The following BBS1 variants were observed in gnomAD, a reference collection of about 807,000 sequenced individuals.
The protein encoded by BBS1 is Bardet-Biedl syndrome 1.
A neutral mutation model predicts 73.9 loss-of-function variants in BBS1; 60 were observed. The ratio of observed to expected loss-of-function variants is 0.81; its 90% CI spans 0.66 to 1.01. The LOEUF (loss-of-function observed/expected upper bound fraction) is 1.01, where lower values mean the gene tolerates loss of function less well. Ranked by LOEUF, BBS1 falls within the 50% of genes least tolerant of loss-of-function variation. BBS1 has a pLI of 0.00. For synonymous variants in BBS1, 283 were observed against 317.4 expected (o/e 0.89, Z 1.15); for missense variants, 718 against 770.3 (o/e 0.93, Z 0.80).
chr11:66,523,990 T>C (rs980295098), intron 11 of BBS1, 108 bp downstream of exon 11: 19 of 1,505,490 alleles, frequency 1.3e-5, no homozygotes, highest in Non-Finnish European at 1.6e-5. Flanking sequence ...TTCAAAAACA[T>C]TTGTTGAGGC....
chr11:66,519,809 T>C lies in BBS1; in HGVS notation c.723+61T>C, dbSNP rs1404470399. 16 of 1,599,758 alleles carry C rather than the reference T, an allele frequency of 1.0e-5. No individual in the cohort carries two copies. The Admixed American group carries it at 2.3e-4, about 23-fold the overall frequency. On this transcript the variant is annotated intron_variant, in intron 8 of 16. Coordinates refer to ENST00000318312, the MANE Select transcript of BBS1 (RefSeq NM_024649.5). Reference sequence around the variant, plus strand: ...CCCAGGCTGCATTCTCTCCCCATGCTCCACAGTTAGTTCTGGGTAATATAT... The same window carrying C: ...CCCAGGCTGCATTCTCTCCCCATGCCCCACAGTTAGTTCTGGGTAATATAT...
At chr11:66,528,100 C>G (rs1189459658) in intron 13 of BBS1, among the ~76,000 whole-genome samples, 2 of 152,164 alleles carry the variant, frequency 1.3e-5, no homozygotes, top group Non-Finnish European at 2.9e-5. Context: ...CATGGTGGCA[C>G]ACGCCTGTAA....
intron 3 of BBS1, 40 bp downstream of exon 3, chr11:66,511,279 G>A (rs1160008090): frequency 1.2e-6 from 2 of 1,606,760 alleles, no homozygotes. Context: ...GAGGGTAGGG[G>A]GGTGTACCCA....
chr11:66,519,620 G>A lies in BBS1; in HGVS notation c.595G>A (p.Val199Ile), dbSNP rs1300549627. The A allele has an allele frequency of 1.2e-6, 2 of 1,613,662 alleles. No homozygotes were observed. The highest frequency in any genetic ancestry group is 1.7e-6 in the Non-Finnish European group (2 of 1,179,898). Reference sequence around the variant, plus strand: ...GACCCCTGGAGTCCTTCTGTAGACAGTCATCACCACCATGACCACCTTGAA... The same window carrying A: ...GACCCCTGGAGTCCTTCTGTAGACAATCATCACCACCATGACCACCTTGAA... ...HKSNSIKRQT[V>I]ITTMTTLKKN... The change falls in exon 8 of 17, where the codon GTC becomes ATC. Residue 199 changes from valine to isoleucine, a missense_variant. Transcript: ENST00000318312.
At chr11:66,510,908 G>A in intron 1 of BBS1, 105 bp from the exon 2 acceptor site, 1 of 1,435,474 alleles carries the variant, frequency 7.0e-7, no homozygotes. Flanking sequence ...CTTGTACCCA[G>A]ACGTTCTGTA....
At chr11:66,526,098 A>G (rs954494372) in intron 11 of BBS1, 25 bp from the exon 12 acceptor site, 5 of 1,613,510 alleles carry the variant, frequency 3.1e-6, no homozygotes, top group African/African-American at 1.3e-5. Context: ...TATTTCCCCA[A>G]CTAAACTCTG....
chr11:66,514,761 C>T (rs376639983), intron 4 of BBS1, 83 bp downstream of exon 4: 40 of 1,540,962 alleles, frequency 2.6e-5, no homozygotes, highest in African/African-American at 1.1e-4. Flanking sequence ...CTGGGAAGAA[C>T]GTGGGCTGGT....
Position 66,511,037 on chromosome 11 carries a change from G to A in BBS1, c.72G>A (p.Leu24=). Residue 24 remains leucine, a synonymous_variant, in exon 2 of 17, where the codon TTG becomes TTA. Transcript: ENST00000318312. ...AESNEANSKW[L]DAHYDPMANI... ...GCAATGAGGCCAATTCGAAGTGGTT[G>A]GATGCGCACTACGACCCAATGGCCA... 6.2e-7 allele frequency: 1 copy of A among 1,614,194 alleles called. No individual in the cohort carries two copies. Among genetic ancestry groups the A allele is most frequent in the South Asian group, 1.1e-5 (1 of 91,082 alleles).
Position 66,511,069 on chromosome 11 carries a change from A to G in BBS1, c.104A>G (p.His35Arg), listed in dbSNP as rs775990952. Residue 35 changes from histidine to arginine, a missense_variant, in exon 2 of 17, where the codon CAC becomes CGC. Physicochemically the swap from His to Arg is conservative, Grantham distance 29. Transcript: ENST00000318312. The part of the protein sequence containing the change: ...DAHYDPMANI[H>R]TFSACLALAD... ...CACTACGACCCAATGGCCAATATCC[A>G]CACCTTTTCTGCCTGCCTAGGTGAG... 6.2e-7 allele frequency: 1 copy of G among 1,613,994 alleles called. No homozygotes were observed. The highest frequency in any genetic ancestry group is 8.5e-7 in the Non-Finnish European group (1 of 1,179,976).
chr11:66,529,059 TA>T, intron 13 of BBS1: 3 of 983,200 alleles, frequency 3.1e-6, no homozygotes, highest in Non-Finnish European at 3.6e-6. Context: ...AAATAAATTG[TA>T]AAAGTACTAG....
intron 3 of BBS1, among the ~76,000 whole-genome samples, chr11:66,511,736 G>A (rs1855951789): frequency 6.6e-6 from 1 of 151,826 alleles, no homozygotes; most frequent in Admixed American, 6.6e-5. Flanking sequence ...TTAATTTTAA[G>A]GCCAGCAATC....
intron 11 of BBS1, chr11:66,524,246 C>A: frequency 2.9e-6 from 1 of 350,868 alleles, no homozygotes; most frequent in Non-Finnish European, 5.6e-6. Context: ...AACCATGGCA[C>A]TTCAGCCTGG....
intron 4 of BBS1, 23 bp downstream of exon 4, chr11:66,514,701 G>T: frequency 6.2e-7 from 1 of 1,606,640 alleles, no homozygotes; most frequent in South Asian, 1.1e-5. Context: ...CATGGGAGTT[G>T]GGAACCAGAA....
At chr11:66,520,009 G>T (rs1856154494) in intron 8 of BBS1, 2 of 380,592 alleles carry the variant, frequency 5.3e-6, no homozygotes, top group African/African-American at 4.2e-5. Context: ...ATAAAAACAG[G>T]ATTAGCTGGG....
In BBS1 at chr11:66,523,748, A is replaced by T. The variant is rs200758309; in HGVS notation, c.976A>T (p.Met326Leu). The T allele has an allele frequency of 6.2e-7, 1 of 1,612,302 alleles. No individual in the cohort carries two copies. Among genetic ancestry groups the T allele is most frequent in the Non-Finnish European group, 8.5e-7 (1 of 1,180,014 alleles). The change falls in exon 11 of 17, where the codon ATG becomes TTG. Residue 326 changes from methionine (M) to leucine (L), a missense_variant. By Grantham distance (15) the Met-to-Leu change is conservative. Transcript: ENST00000318312. ...GGGGAAGAAGCTGTGGACAGTGCAG[A>T]TGCCCGCAGCCATCCTGACCATGAA... ...HKGKKLWTVQ[M>L]PAAILTMNLL...
chr11:66,525,880 G>A (rs1047903923), intron 11 of BBS1, among the ~76,000 whole-genome samples: 2 of 152,182 alleles, frequency 1.3e-5, no homozygotes, highest in African/African-American at 4.8e-5. Flanking sequence ...CCCGAAAGAC[G>A]AGTCTGGGAG....
At position 66,526,634 on chromosome 11, in the gene BBS1, T is replaced by C. The variant is rs773411173; in HGVS notation, c.1181-15T>C. ...CTGGGGAGGACAAATCCATTTCCAC[T>C]GTCCACTTCCCTAGGTGGTGGCCTG... On this transcript the variant is annotated splice_polypyrimidine_tract_variant and intron_variant, in intron 12 of 16. Coordinates refer to ENST00000318312, the MANE Select transcript of BBS1 (RefSeq NM_024649.5). 6.2e-7 allele frequency: 1 copy of C among 1,614,100 alleles called. No individual in the cohort carries two copies. Among genetic ancestry groups the C allele is most frequent in the Non-Finnish European group, 8.5e-7 (1 of 1,180,034 alleles).
chr11:66,530,135 A>G (rs1171447496), intron 14 of BBS1, among the ~76,000 whole-genome samples, 183 bp downstream of exon 14: 1 of 151,800 alleles, frequency 6.6e-6, no homozygotes, highest in Non-Finnish European at 1.5e-5. Context: ...AGCAGCCCTC[A>G]CCTTCCCACC....
At chr11:66,512,864 C>T (rs1274526116) in intron 3 of BBS1, among the ~76,000 whole-genome samples, 3 of 151,662 alleles carry the variant, frequency 2.0e-5, no homozygotes, top group South Asian at 2.1e-4. Flanking sequence ...CCCAGCTACT[C>T]GGGAGGCTGA....
Sources: allele counts gnomAD v4.1 joint callset (sites outside exome capture counted in the v4.1 genomes callset), GRCh38; gene constraint gnomAD v4.1.1; transcripts MANE v1.5; gene names NCBI Gene and HGNC (gene_info 2026-07-23, HGNC 2026-07-21).